SYT16: variants seen among roughly 807,000 people sequenced by gnomAD.
The protein encoded by SYT16 is synaptotagmin-16.
SYT16 carries 42 observed loss-of-function variants against 61.4 expected under a neutral mutation model. The ratio of observed to expected loss-of-function variants is 0.68; its 90% CI spans 0.53 to 0.89. The LOEUF (loss-of-function observed/expected upper bound fraction) is 0.89, where lower values mean the gene tolerates loss of function less well. SYT16 is among the 40% of genes least tolerant of loss of function. The pLI is 0.00. For synonymous variants in SYT16, 314 were observed against 302.3 expected, an observed-to-expected ratio of 1.04 and a Z score of -0.40; for missense variants, 804 against 807.3, an observed-to-expected ratio of 1.00 and a Z score of 0.05.
intron 1 of SYT16, among the ~76,000 whole-genome samples, chr14:61,858,120 C>CAAAAAAAAAAAAAAAAAAAAAAAAA (rs34781118): frequency 2.0e-3 from 86 of 43,138 alleles, no homozygotes; most frequent in Middle Eastern, 0.02. Context: ...CACAGCTTGG[C>CAAAAAAAAAAAAAAAAAAAAAAAAA]AAAAAAAAAA....
chr14:61,815,079 G>C (rs1387951953), intron 1 of SYT16, among the ~76,000 whole-genome samples: 1 of 152,178 alleles, frequency 6.6e-6, no homozygotes, highest in African/African-American at 2.4e-5. Flanking sequence ...ACATGCATCA[G>C]AGTTACTCAG....
intron 1 of SYT16, among the ~76,000 whole-genome samples, chr14:61,940,798 G>T (rs750534898): frequency 6.6e-6 from 1 of 152,104 alleles, no homozygotes; most frequent in Non-Finnish European, 1.5e-5. Flanking sequence ...GGTGGGGCAG[G>T]CTTCCCTGGA....
rs1166585626 is a variant in SYT16, at chr14:61,996,204, T to C, written c.185T>C (p.Ile62Thr). ...KLDQDLDNIQIQETYFEDEEQ... is the reference protein window; with the variant it reads ...KLDQDLDNIQTQETYFEDEEQ... ...GATCAGGACTTAGATAATATTCAGATTCAGGAAACGTACTTTGAAGATGAA... is the reference window on the plus strand; with the variant it reads ...GATCAGGACTTAGATAATATTCAGACTCAGGAAACGTACTTTGAAGATGAA... Residue 62 changes from isoleucine to threonine, a missense_variant, in exon 3 of 8, where the codon ATT becomes ACT. Ile to Thr is a moderately conservative substitution (Grantham distance 89). Coordinates refer to ENST00000683842, the MANE Select transcript of SYT16 (RefSeq NM_001367656.1). 1 of 1,613,436 alleles carries C rather than the reference T, an allele frequency of 6.2e-7. No individual in the cohort carries two copies. Among genetic ancestry groups the C allele is most frequent in the Non-Finnish European group, 8.5e-7 (1 of 1,179,628 alleles).
intron 3 of SYT16, among the ~76,000 whole-genome samples, chr14:62,012,173 A>T (rs1012183535): frequency 6.6e-6 from 1 of 152,126 alleles, no homozygotes; most frequent in African/African-American, 2.4e-5. Flanking sequence ...TGTTAGCTGA[A>T]TCCTTTGCTT....
At chr14:61,980,426 G>A (rs528637134) in intron 2 of SYT16, among the ~76,000 whole-genome samples, 59 of 152,166 alleles carry the variant, frequency 3.9e-4, no homozygotes, top group African/African-American at 1.3e-3. Context: ...CACTGGTTTT[G>A]GTTACTTGAC....
chr14:61,864,473 G>A (rs562135078), intron 1 of SYT16, among the ~76,000 whole-genome samples: 1 of 152,378 alleles, frequency 6.6e-6, no homozygotes, highest in Non-Finnish European at 1.5e-5. Flanking sequence ...GCTGTCCACT[G>A]GCGCAGTACT....
intron 1 of SYT16, among the ~76,000 whole-genome samples, chr14:61,963,074 C>T (rs963739149): frequency 2.6e-5 from 4 of 152,100 alleles, no homozygotes; most frequent in Non-Finnish European, 5.9e-5. Context: ...TAAGTTCTGA[C>T]TGCCCCACTG....
At position 62,000,936 on chromosome 14, in the gene SYT16, A is replaced by G. The variant is rs150594614; in HGVS notation, c.523+4394A>G. Among the ~76,000 whole-genome samples the G allele has an allele frequency of 3.9e-5, 6 of 152,144 alleles. 1 individual carries two copies. Among genetic ancestry groups the G allele is most frequent in the African/African-American group, 2.4e-5 (1 of 41,538 alleles). On this transcript the variant is annotated intron_variant, in intron 3 of 7. Coordinates refer to ENST00000683842, the MANE Select transcript of SYT16 (RefSeq NM_001367656.1). Reference sequence around the variant, plus strand: ...CCTAGACTATTGGTTATCTCTTAGAATGGTTAAAATAAGACAAAAAAAGGC... The same window carrying G: ...CCTAGACTATTGGTTATCTCTTAGAGTGGTTAAAATAAGACAAAAAAAGGC...
chr14:62,077,037 G>A (rs897048626), intron 5 of SYT16, among the ~76,000 whole-genome samples: 4 of 152,138 alleles, frequency 2.6e-5, no homozygotes, highest in African/African-American at 7.2e-5. Flanking sequence ...AATCCAACTC[G>A]GAGGCAGTTC....
intron 1 of SYT16, among the ~76,000 whole-genome samples, chr14:61,963,751 G>A (rs1470165178): frequency 6.6e-6 from 1 of 152,186 alleles, no homozygotes; most frequent in African/African-American, 2.4e-5. Context: ...CATGGCTAGA[G>A]AGGAGACGTC....
chr14:62,067,681 G>A (rs1451554198), intron 3 of SYT16, among the ~76,000 whole-genome samples: 1 of 152,204 alleles, frequency 6.6e-6, no homozygotes, highest in Non-Finnish European at 1.5e-5. Context: ...CAGCTGTTAT[G>A]GAAAACAGTA....
chr14:62,088,292 G>A (rs963732643), intron 7 of SYT16, among the ~76,000 whole-genome samples: 1 of 152,114 alleles, frequency 6.6e-6, no homozygotes, highest in Non-Finnish European at 1.5e-5. Flanking sequence ...TTAAATGTAG[G>A]CATTCAACAG....
chr14:61,909,060 A>G (rs904729999), intron 1 of SYT16, among the ~76,000 whole-genome samples: 1 of 152,096 alleles, frequency 6.6e-6, no homozygotes, highest in African/African-American at 2.4e-5. Flanking sequence ...CCAGTCTCCC[A>G]AAGTGCTGGG....
At chr14:62,090,076 G>T (rs2057018688) in intron 7 of SYT16, among the ~76,000 whole-genome samples, 1 of 152,208 alleles carries the variant, frequency 6.6e-6, no homozygotes, top group Non-Finnish European at 1.5e-5. Flanking sequence ...ACAAGCTAGT[G>T]TTACAGATAT....
chr14:62,033,615 G>A (rs1357272732), intron 3 of SYT16, among the ~76,000 whole-genome samples: 1 of 152,012 alleles, frequency 6.6e-6, no homozygotes, highest in Admixed American at 6.6e-5. Flanking sequence ...TGCCCCATAG[G>A]AAATGGAAAG....
intron 3 of SYT16, among the ~76,000 whole-genome samples, chr14:62,009,585 G>T (rs2053362761): frequency 6.6e-6 from 1 of 152,128 alleles, no homozygotes; most frequent in African/African-American, 2.4e-5. Context: ...GCAAACTACG[G>T]TTCTCCTATG....
intron 2 of SYT16, among the ~76,000 whole-genome samples, chr14:61,995,269 A>G (rs1472427172): frequency 6.6e-5 from 10 of 152,098 alleles, no homozygotes; most frequent in Admixed American, 5.9e-4. Context: ...TGGAACATAG[A>G]CAAAAGCAAT....
At chr14:61,862,434 G>T (rs2046993253) in intron 1 of SYT16, among the ~76,000 whole-genome samples, 1 of 152,092 alleles carries the variant, frequency 6.6e-6, no homozygotes, top group African/African-American at 2.4e-5. Context: ...CATTGTTCTT[G>T]TGTGCATCAA....
In SYT16 at chr14:61,890,496, G is replaced by C. The variant is rs1296424635; in HGVS notation, c.-325+77686G>C. On this transcript the variant is annotated intron_variant, in intron 1 of 7. Transcript: ENST00000683842. ...ATATAGTCAAGAATGTTTCCTTCAT[G>C]ACAAAAAAAAAAAAAAACACTATAC... 1.8e-4 allele frequency among the ~76,000 whole-genome samples: 16 copies of C among 90,358 alleles called. No homozygotes were observed. The East Asian group carries it at 3.2e-3, about 18-fold the overall frequency. 59.3% of individuals were successfully genotyped at this position (90,358 alleles called of 152,430 possible). A position where few individuals can be genotyped will look rare whatever the true frequency, so the allele number is the denominator to read the frequency against.
Sources: gnomAD v4.1 joint callset for allele counts (sites outside exome capture counted in the v4.1 genomes callset) on GRCh38, gnomAD v4.1.1 for gene constraint, MANE v1.5 for transcripts, NCBI Gene and HGNC (gene_info 2026-07-23, HGNC 2026-07-21) for gene names.